Variants in THSD7A observed in about 807,000 individuals in gnomAD.
THSD7A encodes thrombospondin type 1 domain containing 7A.
THSD7A carries 96 observed loss-of-function variants against 231.3 expected under a neutral mutation model. The ratio of observed to expected loss-of-function variants is 0.41; its 90% CI spans 0.35 to 0.49. The LOEUF (loss-of-function observed/expected upper bound fraction) is 0.49, where lower values mean the gene tolerates loss of function less well. THSD7A is among the 20% of genes least tolerant of loss of function. The probability of loss-of-function intolerance (pLI) is 0.05; values close to 1 mark genes in which losing one functional copy is unlikely to be tolerated. For missense variants in THSD7A, 2,290 were observed against 2,070.2 expected, an observed-to-expected ratio of 1.11 and a Z score of -2.06; for synonymous variants, 940 against 743.3, an observed-to-expected ratio of 1.26 and a Z score of -4.30.
intron 13 of THSD7A, among the ~76,000 whole-genome samples, chr7:11,440,586 G>T (rs1784772952): frequency 6.6e-6 from 1 of 152,000 alleles, no homozygotes. Context: ...TCTCATGGAT[G>T]ACTTTGAGGG....
chr7:11,591,372 C>T (rs1053053227), intron 3 of THSD7A, among the ~76,000 whole-genome samples: 4 of 151,864 alleles, frequency 2.6e-5, no homozygotes, highest in East Asian at 1.9e-4. Context: ...TCGATGCCAC[C>T]GAAGACAGGA....
intron 2 of THSD7A, among the ~76,000 whole-genome samples, chr7:11,623,617 G>T (rs1477716485): frequency 2.0e-5 from 3 of 152,118 alleles, no homozygotes; most frequent in African/African-American, 4.8e-5. Flanking sequence ...AAATGTGGGG[G>T]TGGGGGTGAG....
intron 1 of THSD7A, among the ~76,000 whole-genome samples, chr7:11,806,762 A>C (rs1261010373): frequency 6.6e-6 from 1 of 152,178 alleles, no homozygotes; most frequent in Non-Finnish European, 1.5e-5. Flanking sequence ...GTAGTGAGCC[A>C]AAGCTGGAGG....
intron 1 of THSD7A, among the ~76,000 whole-genome samples, chr7:11,785,088 G>A (rs1015331456): frequency 5.3e-5 from 8 of 152,044 alleles, no homozygotes; most frequent in African/African-American, 1.7e-4. Context: ...CCATAGCATT[G>A]TTTCCTGTCC....
At chr7:11,423,876 G>C (rs1312693251) in intron 16 of THSD7A, among the ~76,000 whole-genome samples, 1 of 152,184 alleles carries the variant, frequency 6.6e-6, no homozygotes, top group Non-Finnish European at 1.5e-5. Context: ...GATAGATACT[G>C]TATGGAAAAT....
intron 2 of THSD7A, among the ~76,000 whole-genome samples, chr7:11,619,558 G>A (rs1397205938): frequency 1.3e-5 from 2 of 151,854 alleles, no homozygotes; most frequent in African/African-American, 2.4e-5. Context: ...ACAGGCATGT[G>A]CTCCTATGCC....
chr7:11,465,948 C>T (rs1311069220), intron 9 of THSD7A, among the ~76,000 whole-genome samples: 1 of 152,056 alleles, frequency 6.6e-6, no homozygotes, highest in Non-Finnish European at 1.5e-5. Context: ...TTAGCAAGTG[C>T]ACTGGTCTCA....
chr7:11,494,252 T>A (rs1237936369), intron 6 of THSD7A, among the ~76,000 whole-genome samples: 2 of 152,042 alleles, frequency 1.3e-5, no homozygotes, highest in South Asian at 4.1e-4. Flanking sequence ...GGTCAGTGCC[T>A]GTGCCTTTGT....
At position 11,474,377 on chromosome 7, in the gene THSD7A, C is replaced by A; in HGVS notation, c.2209G>T (p.Val737Phe). The part of the protein sequence containing the change: ...SCSVGMQTRK[V>F]ICVRVNVGQV... ...CCCACATTGACTCGCACACAGATGA[C>A]TTTTCTTGTCTGCATGCCGACAGAG... The change falls in exon 8 of 28, where the codon GTC becomes TTC. Residue 737 changes from valine (V) to phenylalanine (F), a missense_variant. Coordinates refer to ENST00000423059, the MANE Select transcript of THSD7A (RefSeq NM_015204.3). This position sits in a 1 kb window ranked among gnomAD's most constrained non-coding sequence, Gnocchi z 4.1. The A allele has an allele frequency of 6.2e-7, 1 of 1,613,488 alleles. No homozygotes were observed. Among genetic ancestry groups the A allele is most frequent in the Non-Finnish European group, 8.5e-7 (1 of 1,179,558 alleles).
At chr7:11,592,577 A>G (rs990496690) in intron 3 of THSD7A, among the ~76,000 whole-genome samples, 8 of 152,222 alleles carry the variant, frequency 5.3e-5, no homozygotes, top group Admixed American at 3.9e-4. Context: ...TATTTATTGA[A>G]CACATATTTT....
At chr7:11,455,633 A>G (rs569736720) in intron 11 of THSD7A, among the ~76,000 whole-genome samples, 47 of 152,172 alleles carry the variant, frequency 3.1e-4, no homozygotes, top group African/African-American at 9.6e-4. Context: ...CTAATATAAT[A>G]GATCAGAAAA....
chr7:11,774,417 C>A (rs1489578428), intron 1 of THSD7A, among the ~76,000 whole-genome samples: 2 of 151,498 alleles, frequency 1.3e-5, no homozygotes, highest in Non-Finnish European at 2.9e-5. Flanking sequence ...AACATACTGC[C>A]CATAGTTAAC....
intron 1 of THSD7A, among the ~76,000 whole-genome samples, chr7:11,738,906 G>C (rs1782010285): frequency 6.6e-6 from 1 of 152,022 alleles, no homozygotes; most frequent in Admixed American, 6.6e-5. Flanking sequence ...AAAGCTGTAA[G>C]ATACCACATT....
chr7:11,612,846 A>G (rs952690011), intron 2 of THSD7A, among the ~76,000 whole-genome samples: 1 of 152,206 alleles, frequency 6.6e-6, no homozygotes, highest in Non-Finnish European at 1.5e-5. Context: ...TTCTCTGATT[A>G]TTAGTGAGGA....
intron 1 of THSD7A, among the ~76,000 whole-genome samples, chr7:11,735,466 A>G (rs1003493877): frequency 1.3e-5 from 2 of 151,976 alleles, no homozygotes; most frequent in Non-Finnish European, 2.9e-5. Flanking sequence ...TCTTGCATAA[A>G]ATTACCTTCA....
chr7:11,522,276 C>G (rs1398512093), intron 6 of THSD7A, among the ~76,000 whole-genome samples: 2 of 152,166 alleles, frequency 1.3e-5, no homozygotes, highest in African/African-American at 4.8e-5. Context: ...TTCCCTGTAA[C>G]AAGTACATGT....
At chr7:11,500,463 T>G (rs933046749) in intron 6 of THSD7A, among the ~76,000 whole-genome samples, 1 of 152,064 alleles carries the variant, frequency 6.6e-6, no homozygotes, top group Non-Finnish European at 1.5e-5. Context: ...CCATACATAT[T>G]AATACTAACC....
Position 11,543,233 on chromosome 7 carries a change from C to T in THSD7A, c.1454-116G>A, listed in dbSNP as rs1789230920. The T allele has an allele frequency of 4.8e-6, 4 of 831,280 alleles. No individual in the cohort carries two copies. In the South Asian group the frequency reaches 8.2e-5, roughly 17 times the overall value. The allele number at this position is 831,280 out of a possible 1,614,324, so 51.5% of individuals were successfully genotyped here. Reference sequence around the variant, plus strand: ...AATCCTTAAAGAAGTGCTACCAAGACATTATTCCAATGCTTCTCAGCCACA... The same window carrying T: ...AATCCTTAAAGAAGTGCTACCAAGATATTATTCCAATGCTTCTCAGCCACA... On this transcript the variant is annotated intron_variant, in intron 4 of 27. Coordinates refer to ENST00000423059, the MANE Select transcript of THSD7A (RefSeq NM_015204.3).
At chr7:11,784,015 T>C (rs1783710481) in intron 1 of THSD7A, among the ~76,000 whole-genome samples, 1 of 152,054 alleles carries the variant, frequency 6.6e-6, no homozygotes, top group South Asian at 2.1e-4. Context: ...GTAAAAAGTT[T>C]TTAAAAATTC....
Sources: allele counts gnomAD v4.1 joint callset (sites outside exome capture counted in the v4.1 genomes callset), GRCh38; gene constraint gnomAD v4.1.1; non-coding constraint Gnocchi (gnomAD v3.1); transcripts MANE v1.5; gene names NCBI Gene and HGNC (gene_info 2026-07-23, HGNC 2026-07-21).